Variants in SLC24A3 observed in about 807,000 individuals in gnomAD.
SLC24A3 encodes the protein solute carrier family 24 member 3.
SLC24A3 carries 28 observed loss-of-function variants against 75.8 expected under a neutral mutation model. The observed-to-expected ratio is 0.37, with a 90% confidence interval of 0.27 to 0.51. The LOEUF (loss-of-function observed/expected upper bound fraction) is 0.51, where lower values mean the gene tolerates loss of function less well. Among genes scored for constraint, SLC24A3 ranks in the 20% least tolerant of loss-of-function variants. The pLI, the probability that SLC24A3 is intolerant of heterozygous loss-of-function variation, is 0.94. For missense variants in SLC24A3, 663 were observed against 847.8 expected (o/e 0.78, Z 2.71); for synonymous variants, 372 against 334.1 (o/e 1.11, Z -1.24).
intron 2 of SLC24A3, among the ~76,000 whole-genome samples, chr20:19,468,598 C>T (rs1031558416): frequency 3.3e-5 from 5 of 152,242 alleles, no homozygotes; most frequent in African/African-American, 1.2e-4. Context: ...AAGCATGAAG[C>T]AGTCACCTCT....
chr20:19,411,765 T>G (rs1363924843), intron 2 of SLC24A3, among the ~76,000 whole-genome samples: 1 of 152,222 alleles, frequency 6.6e-6, no homozygotes, highest in African/African-American at 2.4e-5. Flanking sequence ...ATGTTTCACT[T>G]GAGCAACCTC....
chr20:19,425,057 C>G (rs1986982421), intron 2 of SLC24A3, among the ~76,000 whole-genome samples: 1 of 152,120 alleles, frequency 6.6e-6, no homozygotes. Context: ...GTAATCCCAG[C>G]ACTTTGGGAG....
chr20:19,693,752 G>A (rs752100237), intron 13 of SLC24A3: 16 of 230,554 alleles, frequency 6.9e-5, no homozygotes, highest in Non-Finnish European at 1.2e-4. Flanking sequence ...TGTACCAGAG[G>A]CTAGCTACCT....
At chr20:19,287,954 A>G (rs1983854103) in intron 2 of SLC24A3, among the ~76,000 whole-genome samples, 1 of 152,198 alleles carries the variant, frequency 6.6e-6, no homozygotes, top group South Asian at 2.1e-4. Context: ...TGTGGTAATC[A>G]TTCAGTGAAG....
At chr20:19,548,283 A>G (rs768053995) in intron 3 of SLC24A3, among the ~76,000 whole-genome samples, 13 of 152,340 alleles carry the variant, frequency 8.5e-5, no homozygotes, top group East Asian at 1.9e-4. Flanking sequence ...TTGGCCTCCA[A>G]TGTAAGTTTT....
At chr20:19,279,663 C>A (rs1983598996) in intron 1 of SLC24A3, among the ~76,000 whole-genome samples, 1 of 152,170 alleles carries the variant, frequency 6.6e-6, no homozygotes, top group Admixed American at 6.5e-5. Flanking sequence ...CTCTTCTCCA[C>A]CGGGAGACCC....
intron 2 of SLC24A3, among the ~76,000 whole-genome samples, chr20:19,431,280 A>G (rs1305968948): frequency 6.6e-6 from 1 of 151,888 alleles, no homozygotes; most frequent in Admixed American, 6.6e-5. Context: ...AAATGCCTAT[A>G]AAGAGGGCAA....
chr20:19,596,797 T>G (rs1049200028), intron 6 of SLC24A3, among the ~76,000 whole-genome samples: 7 of 152,200 alleles, frequency 4.6e-5, no homozygotes, highest in Non-Finnish European at 8.8e-5. Context: ...AGACCCCTGG[T>G]GGCCATGCTT....
At chr20:19,450,854 C>T (rs1249725395) in intron 2 of SLC24A3, among the ~76,000 whole-genome samples, 1 of 152,066 alleles carries the variant, frequency 6.6e-6, no homozygotes, top group Non-Finnish European at 1.5e-5. Flanking sequence ...GAAAAATTAG[C>T]CGGGCACGTT....
chr20:19,234,214 C>T (rs551022560), intron 1 of SLC24A3, among the ~76,000 whole-genome samples: 2 of 152,348 alleles, frequency 1.3e-5, no homozygotes, highest in South Asian at 2.1e-4. Context: ...ATCAGCATCG[C>T]CCAGGTCCCC....
chr20:19,350,438 A>G (rs1985541678), intron 2 of SLC24A3, among the ~76,000 whole-genome samples: 1 of 152,104 alleles, frequency 6.6e-6, no homozygotes, highest in African/African-American at 2.4e-5. Flanking sequence ...TTTAGGAAAC[A>G]TTAAGGTATT....
chr20:19,579,856 G>A, intron 3 of SLC24A3, 144 bp from the exon 4 acceptor site: 2 of 638,126 alleles, frequency 3.1e-6, no homozygotes, highest in South Asian at 1.8e-5. Flanking sequence ...ACAGGAGAGT[G>A]TTGTGGGCAT....
chr20:19,340,070 T>C (rs1295757184), intron 2 of SLC24A3, among the ~76,000 whole-genome samples: 3 of 152,196 alleles, frequency 2.0e-5, no homozygotes, highest in African/African-American at 7.2e-5. Flanking sequence ...GTGGATTGAA[T>C]TGTGTCCCTT....
At chr20:19,281,146 A>G in intron 2 of SLC24A3, 59 bp downstream of exon 2, 8 of 1,596,250 alleles carry the variant, frequency 5.0e-6, no homozygotes, top group Non-Finnish European at 6.9e-6. Flanking sequence ...ATGGCTGAGG[A>G]AGAGCCAGCT....
At position 19,212,730 on chromosome 20, in the gene SLC24A3, G is replaced by A; in HGVS notation, c.-113G>A. On this transcript the variant is annotated 5_prime_UTR_variant, in exon 1 of 17. Transcript: ENST00000328041. ...GAGGCGGCGGCCGGGTGGGAGCGCA[G>A]CGAGGACGCGCGGCTGCTGCGCGCA... 1.2e-6 allele frequency: 1 copy of A among 858,358 alleles called. No homozygotes were observed. Among genetic ancestry groups the A allele is most frequent in the Non-Finnish European group, 1.4e-6 (1 of 716,230 alleles). 53.2% of individuals were successfully genotyped at this position (858,358 alleles called of 1,614,324 possible). A position where few individuals can be genotyped will look rare whatever the true frequency, so the allele number is the denominator to read the frequency against.
At chr20:19,466,535 T>A (rs1987768196) in intron 2 of SLC24A3, among the ~76,000 whole-genome samples, 1 of 152,180 alleles carries the variant, frequency 6.6e-6, no homozygotes, top group African/African-American at 2.4e-5. Context: ...CATACTTCCC[T>A]GAAAAGGTAA....
rs112462969 is a variant in SLC24A3 at position 19,677,046 on chromosome 20, G to A, written c.767+3392G>A. On this transcript the variant is annotated intron_variant, in intron 9 of 16. Transcript: ENST00000328041. ...CAGCTTAGTTAAGCTGTCAAGCTAA[G>A]TTAAGCTTAGTTTAACCTGGTATCC... Among the ~76,000 whole-genome samples the A allele has an allele frequency of 6.0e-3, 912 of 152,324 alleles. 2 individuals carry two copies. Among genetic ancestry groups the A allele is most frequent in the Middle Eastern group, 0.027 (8 of 294 alleles).
rs570825519 is a variant in SLC24A3, at chr20:19,524,481, G to A, written c.348+8917G>A. On this transcript the variant is annotated intron_variant, in intron 3 of 16. Coordinates refer to ENST00000328041, the MANE Select transcript of SLC24A3 (RefSeq NM_020689.4). The stretch of plus-strand genomic sequence containing the variant: ...GTTTCCAATTTGATTTTATCATGGC[G>A]CCAAATGGTGGTAGAGGAGACATAA... Among the ~76,000 whole-genome samples, 39 of 152,234 alleles carry A rather than the reference G, an allele frequency of 2.6e-4. 1 individual carries two copies. The highest frequency in any genetic ancestry group is 8.7e-4 in the African/African-American group (36 of 41,552).
At chr20:19,218,305 G>C (rs576172427) in intron 1 of SLC24A3, among the ~76,000 whole-genome samples, 1 of 152,124 alleles carries the variant, frequency 6.6e-6, no homozygotes, top group African/African-American at 2.4e-5. Context: ...CAGCAGATTC[G>C]ATATCATTAC....
Sources: gnomAD v4.1 joint callset for allele counts (sites outside exome capture counted in the v4.1 genomes callset) on GRCh38, gnomAD v4.1.1 for gene constraint, MANE v1.5 for transcripts, NCBI Gene and HGNC (gene_info 2026-07-23, HGNC 2026-07-21) for gene names.